Variants in PTPRT observed in about 807,000 individuals in gnomAD.
PTPRT encodes the protein receptor-type tyrosine-protein phosphatase T.
A neutral mutation model predicts 176.8 loss-of-function variants in PTPRT; 56 were observed. The ratio of observed to expected loss-of-function variants is 0.32; its 90% confidence interval spans 0.26 to 0.40. The LOEUF (loss-of-function observed/expected upper bound fraction) is 0.40, where lower values mean the gene tolerates loss of function less well. Ranked by LOEUF, PTPRT falls within the 10% of genes least tolerant of loss-of-function variation. The probability of loss-of-function intolerance (pLI) is 1.00; values close to 1 mark genes in which losing one functional copy is unlikely to be tolerated. For synonymous variants in PTPRT, 783 were observed against 739.0 expected, an observed-to-expected ratio of 1.06 and a Z score of -0.96; for missense variants, 1,540 against 1,908.2, an observed-to-expected ratio of 0.81 and a Z score of 3.60.
intron 19 of PTPRT, among the ~76,000 whole-genome samples, chr20:42,127,042 C>T (rs960641006): frequency 7.9e-5 from 12 of 152,118 alleles, no homozygotes; most frequent in Non-Finnish European, 1.3e-4. Flanking sequence ...GTGTTTCAGA[C>T]GAGGCAATTC....
chr20:42,917,632 AC>A (rs1479229925), intron 1 of PTPRT, among the ~76,000 whole-genome samples: 1 of 152,168 alleles, frequency 6.6e-6, no homozygotes, highest in Admixed American at 6.5e-5. Flanking sequence ...AAATTGAACA[AC>A]CAGTGAAATA....
chr20:42,272,431 CAGATAGGCA>C (rs1362237268), intron 13 of PTPRT, among the ~76,000 whole-genome samples: 1 of 151,902 alleles, frequency 6.6e-6, no homozygotes, highest in Non-Finnish European at 1.5e-5. Context: ...CCAATGCTCT[CAGATAGGCA>C]AGACAAAGAC....
Position 42,865,869 on chromosome 20 carries a change from C to A in PTPRT, c.214+19938G>T, listed in dbSNP as rs139777115. Among the ~76,000 whole-genome samples, 641 of 152,256 alleles carry A rather than the reference C, an allele frequency of 4.2e-3. 1 individual carries two copies. Among genetic ancestry groups the A allele is most frequent in the Admixed American group, 0.01 (157 of 15,304 alleles). ...CTGTCTTCCTCTAGGAATGCACTCC[C>A]TCCGTCTCCTTCTCAGGCTCCCATT... On this transcript the variant is annotated intron_variant, in intron 2 of 30. Transcript: ENST00000373187.
chr20:42,601,329 G>T (rs984621455), intron 7 of PTPRT, among the ~76,000 whole-genome samples: 4 of 152,152 alleles, frequency 2.6e-5, no homozygotes, highest in African/African-American at 7.2e-5. Context: ...TCCAGTGGAT[G>T]CAAGTGATTG....
rs1178009444 is a variant in PTPRT at position 42,736,602 on chromosome 20, C to A, written c.859+19860G>T. On this transcript the variant is annotated intron_variant, in intron 6 of 30. Transcript: ENST00000373187. ...AGTTTCAAGAAGTCACCTTGGATAACAAGGGTGGTGGCATTGGGGAATTAG... is the reference window on the plus strand; with the variant it reads ...AGTTTCAAGAAGTCACCTTGGATAAAAAGGGTGGTGGCATTGGGGAATTAG... Among the ~76,000 whole-genome samples, 3 of 152,140 alleles carry A rather than the reference C, an allele frequency of 2.0e-5. No homozygotes were observed. The East Asian group carries it at 5.8e-4, about 29-fold the overall frequency.
chr20:42,637,111 CA>C (rs2074620154), intron 7 of PTPRT, among the ~76,000 whole-genome samples: 1 of 152,056 alleles, frequency 6.6e-6, no homozygotes, highest in African/African-American at 2.4e-5. Context: ...TGCTGGATGC[CA>C]CCCCCAGAGT....
intron 1 of PTPRT, among the ~76,000 whole-genome samples, chr20:42,932,325 T>G (rs1324269722): frequency 6.6e-6 from 1 of 152,244 alleles, no homozygotes; most frequent in Non-Finnish European, 1.5e-5. Context: ...GTGCCTGGTC[T>G]AGACCAAGAG....
chr20:42,788,096 A>G (rs1397114276), intron 3 of PTPRT, among the ~76,000 whole-genome samples: 4 of 152,172 alleles, frequency 2.6e-5, no homozygotes, highest in Non-Finnish European at 5.9e-5. Flanking sequence ...TCTAGGATAC[A>G]ACACGTCACG....
chr20:42,552,543 TG>T (rs1470305020), intron 7 of PTPRT, among the ~76,000 whole-genome samples: 5 of 152,140 alleles, frequency 3.3e-5, no homozygotes, highest in African/African-American at 1.2e-4. Flanking sequence ...TAAAATTTTT[TG>T]CACGAAAATG....
At chr20:42,324,461 C>T (rs2057852363) in intron 11 of PTPRT, among the ~76,000 whole-genome samples, 2 of 152,086 alleles carry the variant, frequency 1.3e-5, no homozygotes, top group Admixed American at 1.3e-4. Context: ...TTGCACGATC[C>T]TATACATTTA....
intron 25 of PTPRT, among the ~76,000 whole-genome samples, chr20:42,102,694 C>T (rs527761417): frequency 8.5e-5 from 13 of 152,246 alleles, no homozygotes; most frequent in Non-Finnish European, 1.5e-4. Flanking sequence ...ACATCACTTG[C>T]GTTGTCATGG....
chr20:42,611,062 G>T (rs552239688), intron 7 of PTPRT, among the ~76,000 whole-genome samples: 1 of 152,102 alleles, frequency 6.6e-6, no homozygotes, highest in Non-Finnish European at 1.5e-5. Context: ...TAATTTATCC[G>T]ATCATCAGCT....
At chr20:43,041,162 G>C (rs1986590385) in intron 1 of PTPRT, among the ~76,000 whole-genome samples, 1 of 152,202 alleles carries the variant, frequency 6.6e-6, no homozygotes, top group Admixed American at 6.5e-5. Flanking sequence ...AAGACTCGGA[G>C]AGCTTAAATG....
intron 1 of PTPRT, among the ~76,000 whole-genome samples, chr20:43,031,432 G>A (rs1986133679): frequency 6.6e-6 from 1 of 152,202 alleles, no homozygotes; most frequent in African/African-American, 2.4e-5. Flanking sequence ...TACTGAATCT[G>A]CTGGAACCTT....
At chr20:42,658,237 G>A (rs2075161743) in intron 7 of PTPRT, among the ~76,000 whole-genome samples, 1 of 152,094 alleles carries the variant, frequency 6.6e-6, no homozygotes, top group South Asian at 2.1e-4. Flanking sequence ...ACCTTGTTCT[G>A]TGTGTTTCTG....
chr20:42,271,948 T>C (rs970572088), intron 13 of PTPRT, among the ~76,000 whole-genome samples: 3 of 152,174 alleles, frequency 2.0e-5, no homozygotes, highest in African/African-American at 7.2e-5. Context: ...TGAAATACTA[T>C]AAAATTTAAC....
chr20:42,644,214 C>G (rs2074833517), intron 7 of PTPRT, among the ~76,000 whole-genome samples: 1 of 152,126 alleles, frequency 6.6e-6, no homozygotes, highest in Non-Finnish European at 1.5e-5. Flanking sequence ...TCACCTGGAC[C>G]TTTGTGACAG....
chr20:42,794,756 A>G (rs1352589973), intron 2 of PTPRT, among the ~76,000 whole-genome samples: 1 of 151,906 alleles, frequency 6.6e-6, no homozygotes, highest in Non-Finnish European at 1.5e-5. Flanking sequence ...CTACCTAAGG[A>G]TATCATTAAG....
At chr20:42,902,961 T>C (rs2079425312) in intron 1 of PTPRT, among the ~76,000 whole-genome samples, 1 of 152,180 alleles carries the variant, frequency 6.6e-6, no homozygotes, top group Non-Finnish European at 1.5e-5. Context: ...AAAGCAGTGA[T>C]TGAAAGCTAT....
Sources: gnomAD v4.1 joint callset for allele counts (sites outside exome capture counted in the v4.1 genomes callset) on GRCh38, gnomAD v4.1.1 for gene constraint, MANE v1.5 for transcripts, NCBI Gene and HGNC (gene_info 2026-07-23, HGNC 2026-07-21) for gene names.